The following PXMP2 variants were observed in gnomAD, a reference collection of about 807,000 sequenced individuals.
PXMP2 encodes 22 kDa peroxisomal membrane protein.
A neutral mutation model predicts 20.2 loss-of-function variants in PXMP2; 13 were observed. The ratio of observed to expected loss-of-function variants is 0.64; its 90% CI spans 0.42 to 1.02. The LOEUF is 1.02. PXMP2 is among the 50% of genes least tolerant of loss of function. PXMP2 has a pLI of 0.00. For missense variants in PXMP2, 284 were observed against 251.8 expected (o/e 1.13, Z -0.87); for synonymous variants, 113 against 111.2 (o/e 1.02, Z -0.10).
At chr12:132,699,663 G>A (rs1279128522) in intron 3 of PXMP2, among the ~76,000 whole-genome samples, 1 of 151,262 alleles carries the variant, frequency 6.6e-6, no homozygotes, top group African/African-American at 2.4e-5. Flanking sequence ...CCAAAGTGCT[G>A]AGATTACAGG....
At chr12:132,689,658 G>T (rs933814250) in intron 1 of PXMP2, among the ~76,000 whole-genome samples, 2 of 152,172 alleles carry the variant, frequency 1.3e-5, no homozygotes, top group African/African-American at 2.4e-5. Flanking sequence ...AAGGCCTGGA[G>T]GGAGCCACTG....
At chr12:132,694,754 T>TAGGC (rs761299724) in intron 2 of PXMP2, among the ~76,000 whole-genome samples, 2 of 79,972 alleles carry the variant, frequency 2.5e-5, no homozygotes, top group South Asian at 4.1e-4. Flanking sequence ...TGAGCTCCCT[T>TAGGC]AGTCAGTTAG....
intron 3 of PXMP2, among the ~76,000 whole-genome samples, chr12:132,697,666 A>G (rs543186760): frequency 3.3e-5 from 5 of 152,184 alleles, no homozygotes; most frequent in African/African-American, 1.2e-4. Flanking sequence ...TTGGCCTCCC[A>G]AAGTGCTGGG....
At chr12:132,700,095 G>A (rs1418646339) in intron 3 of PXMP2, among the ~76,000 whole-genome samples, 10 of 150,022 alleles carry the variant, frequency 6.7e-5, no homozygotes, top group Non-Finnish European at 1.3e-4. Context: ...AGGCTGGAGT[G>A]CAGTGGCACG....
intron 2 of PXMP2, among the ~76,000 whole-genome samples, chr12:132,695,624 C>G (rs556189220): frequency 1.2e-4 from 18 of 152,310 alleles, no homozygotes; most frequent in African/African-American, 4.3e-4. Flanking sequence ...TGGAAGCTGA[C>G]AGTGTGAGGA....
At chr12:132,687,950 C>A in intron 1 of PXMP2, 158 bp downstream of exon 1, 1 of 669,756 alleles carries the variant, frequency 1.5e-6, no homozygotes, top group Non-Finnish European at 1.9e-6. Flanking sequence ...GAACTTCCCG[C>A]GGCGACACCC....
chr12:132,698,538 C>T (rs1224320542), intron 3 of PXMP2, among the ~76,000 whole-genome samples: 1 of 152,206 alleles, frequency 6.6e-6, no homozygotes, highest in Non-Finnish European at 1.5e-5. Flanking sequence ...CAAATTTTCT[C>T]ATTACCATTT....
At chr12:132,698,724 T>G (rs1012032379) in intron 3 of PXMP2, among the ~76,000 whole-genome samples, 1 of 152,066 alleles carries the variant, frequency 6.6e-6, no homozygotes, top group African/African-American at 2.4e-5. Flanking sequence ...CCTCTCGGGT[T>G]CAAGTGATTT....
chr12:132,695,466 G>T (rs1329090158), intron 2 of PXMP2, among the ~76,000 whole-genome samples: 2 of 152,242 alleles, frequency 1.3e-5, no homozygotes, highest in East Asian at 3.8e-4. Context: ...GCAGTGGACA[G>T]AAGACGTAGC....
At position 132,689,289 on chromosome 12, in the gene PXMP2, GGGCGCGGGTCCGCAC is replaced by G. The variant is rs1487617569; in HGVS notation, c.123-964_123-950del. ...ACAGGGCCAAGGGAGCGAGTCTGCG[GGGCGCGGGTCCGCAC>G]GGCGCGGGTGGAGACACGGCCAGGG... On this transcript the variant is annotated intron_variant, in intron 1 of 4. Transcript: ENST00000317479. Among the ~76,000 whole-genome samples, 20 of 152,020 alleles carry G rather than the reference GGGCGCGGGTCCGCAC, an allele frequency of 1.3e-4. No homozygotes were observed. The East Asian group carries it at 2.3e-3, about 18-fold the overall frequency.
Position 132,696,020 on chromosome 12 carries a change from T to G in PXMP2, c.373T>G (p.Phe125Val). 6.2e-7 allele frequency: 1 copy of G among 1,609,172 alleles called. No individual in the cohort carries two copies. The highest frequency in any genetic ancestry group is 8.5e-7 in the Non-Finnish European group (1 of 1,177,672). Reference protein sequence around the residue: ...LVFAPAFLMLFFLIMNFLEGK... With the variant: ...LVFAPAFLMLVFLIMNFLEGK... Reference sequence around the variant, plus strand: ...CTTTGCACCGGCCTTCCTCATGTTGTTCTTCCTCATCATGAACTTTCTGGA... The same window carrying G: ...CTTTGCACCGGCCTTCCTCATGTTGGTCTTCCTCATCATGAACTTTCTGGA... Residue 125 changes from phenylalanine (F) to valine (V), a missense_variant, in exon 3 of 5, where the codon TTC becomes GTC. By Grantham distance (50) the Phe-to-Val change is conservative (BLOSUM62 -1). Coordinates refer to ENST00000317479, the MANE Select transcript of PXMP2 (RefSeq NM_018663.3). The surrounding 1 kb of genome is among the most constrained non-coding windows in gnomAD (Gnocchi z 4.4).
chr12:132,697,727 A>G (rs11147006), intron 3 of PXMP2, among the ~76,000 whole-genome samples: 47,194 of 151,996 alleles, frequency 0.31, 8,671 homozygotes, highest in Non-Finnish European at 0.41. Flanking sequence ...TATAGATTAC[A>G]AAACATTCTG....
In PXMP2 at chr12:132,687,807, G is replaced by A. The variant is rs756211709; in HGVS notation, c.122+15G>A. 2.9e-4 allele frequency: 327 copies of A among 1,145,022 alleles called. 1 individual carries two copies. In the African/African-American group the frequency reaches 4.9e-3, roughly 17 times the overall value. 70.9% of individuals were successfully genotyped at this position (1,145,022 alleles called of 1,614,324 possible). A position where few individuals can be genotyped will look rare whatever the true frequency, so the allele number is the denominator to read the frequency against. ...GCGGCCACCAGGTGAGCGGGGGCGC[G>A]GGAATCGGACGCCGCCCCGGCCCCA... is the stretch of plus-strand genomic sequence containing the variant. On this transcript the variant is annotated intron_variant, in intron 1 of 4. Coordinates refer to ENST00000317479, the MANE Select transcript of PXMP2 (RefSeq NM_018663.3).
chr12:132,695,829 G>C (rs150930604), intron 2 of PXMP2, 55 bp from the exon 3 acceptor site: 3 of 1,542,770 alleles, frequency 1.9e-6, no homozygotes, highest in African/African-American at 2.7e-5. Context: ...AGCTAGACCA[G>C]AGAAGAGCAC....
At chr12:132,697,307 A>AATAAATAT (rs1210979745) in intron 3 of PXMP2, among the ~76,000 whole-genome samples, 1 of 151,730 alleles carries the variant, frequency 6.6e-6, no homozygotes. Flanking sequence ...TAAATAAATA[A>AATAAATAT]ATAAATAAAC....
In PXMP2 at chr12:132,704,264, CCT is replaced by C. The variant is rs958677817; in HGVS notation, c.520-354_520-353del. 2.6e-5 allele frequency among the ~76,000 whole-genome samples: 4 copies of C among 152,174 alleles called. 1 individual carries two copies. Among genetic ancestry groups the C allele is most frequent in the South Asian group, 4.1e-4 (2 of 4,824 alleles). On this transcript the variant is annotated intron_variant, in intron 4 of 4. Transcript: ENST00000317479. ...CCTCCGCTGTTCGTCAGCTGTGTCC[CCT>C]GAGGAGGGTGCAGCCACCTGCATGA...
chr12:132,690,123 C>A, intron 1 of PXMP2, 140 bp from the exon 2 acceptor site: 1 of 657,602 alleles, frequency 1.5e-6, no homozygotes, highest in Non-Finnish European at 2.7e-6. Flanking sequence ...AAGAACTATA[C>A]ATTGCAGCCG....
chr12:132,704,810 C>A lies in PXMP2; in HGVS notation c.*123C>A, dbSNP rs1188187851. The A allele has an allele frequency of 1.1e-5, 10 of 915,152 alleles. No individual in the cohort carries two copies. The African/African-American group carries it at 1.6e-4, about 15-fold the overall frequency. 56.7% of individuals were successfully genotyped at this position (915,152 alleles called of 1,614,324 possible). On this transcript the variant is annotated 3_prime_UTR_variant, in exon 5 of 5. Coordinates refer to ENST00000317479, the MANE Select transcript of PXMP2 (RefSeq NM_018663.3). ...TCTAAATCAGGTGATTCAAGATGCCCAAAAATGATGGATAGAGAAACAGAA... is the reference window on the plus strand; with the variant it reads ...TCTAAATCAGGTGATTCAAGATGCCAAAAAATGATGGATAGAGAAACAGAA...
At chr12:132,702,172 A>G (rs555746512) in intron 4 of PXMP2, among the ~76,000 whole-genome samples, 1 of 152,396 alleles carries the variant, frequency 6.6e-6, no homozygotes, top group East Asian at 1.9e-4. Flanking sequence ...GAAGGCAGGC[A>G]CTGTGCGGCC....
Sources: allele counts gnomAD v4.1 joint callset (sites outside exome capture counted in the v4.1 genomes callset), GRCh38; gene constraint gnomAD v4.1.1; non-coding constraint Gnocchi (gnomAD v3.1); transcripts MANE v1.5; gene names NCBI Gene and HGNC (gene_info 2026-07-23, HGNC 2026-07-21).